Variants in FHL1 observed in about 807,000 individuals in gnomAD.
FHL1 encodes four and a half LIM domains 1, also known as four and a half LIM domains protein 1.
In FHL1, 1 loss-of-function variant was observed where a neutral mutation model predicts 20.3. The observed-to-expected ratio is 0.05, with a 90% CI of 0.02 to 0.23. The LOEUF (loss-of-function observed/expected upper bound fraction) is 0.23. Ranked by LOEUF, FHL1 falls within the 10% of genes least tolerant of loss-of-function variation. The pLI is 1.00. For missense variants in FHL1, 177 were observed against 234.0 expected (o/e 0.76, Z 1.59); for synonymous variants, 82 against 88.9 (o/e 0.92, Z 0.44).
chrX:136,208,671 C>T (rs2073917714), intron 5 of FHL1, 30 bp downstream of exon 5: 1 of 1,179,770 alleles, frequency 8.5e-7, no homozygotes, highest in Non-Finnish European at 1.2e-6. Context: ...CTAAGTCTGC[C>T]AGGCTAGGTT....
intron 2 of FHL1, among the ~76,000 whole-genome samples, chrX:136,186,394 C>T (rs918221569): frequency 3.6e-5 from 4 of 111,094 alleles, no homozygotes; most frequent in Non-Finnish European, 5.7e-5. Context: ...GGTGGGTGCT[C>T]CCTCATCCAC....
upstream of FHL1, chrX:136,168,043 T>C (rs1342377474): frequency 1.8e-5 from 2 of 112,736 alleles, no homozygotes; most frequent in East Asian, 5.5e-4. Context: ...GTAGTAAGTA[T>C]GTATTTAACA....
chrX:136,159,401 G>C (rs775768203), intron 1 of FHL1, among the ~76,000 whole-genome samples: 1 of 111,103 alleles, frequency 9.0e-6, no homozygotes, highest in Non-Finnish European at 1.9e-5. Context: ...AATTAGCCGG[G>C]TGTGGTGGCA....
At chrX:136,192,971 C>T (rs2073464966), upstream of FHL1, among the ~76,000 whole-genome samples, 1 of 110,315 alleles carries the variant, frequency 9.1e-6, no homozygotes, top group Non-Finnish European at 1.9e-5. Context: ...TGGACTCACT[C>T]AGGAGAAATT....
At chrX:136,158,489 C>T (rs1326817462) in intron 1 of FHL1, among the ~76,000 whole-genome samples, 2 of 111,583 alleles carry the variant, frequency 1.8e-5, no homozygotes, top group Non-Finnish European at 3.8e-5. Flanking sequence ...TTTTCCTCCT[C>T]CATGTCTTTC....
At chrX:136,184,273 C>G (rs2073233813) in intron 2 of FHL1, among the ~76,000 whole-genome samples, 2 of 111,831 alleles carry the variant, frequency 1.8e-5, no homozygotes, top group African/African-American at 6.5e-5. Context: ...CTATAACTAA[C>G]CTTGGCTTAA....
Position 136,208,599 on chromosome X carries a change from T to G in FHL1, c.694T>G (p.Phe232Val), listed in dbSNP as rs1309052728. The G allele has an allele frequency of 8.3e-7, 1 of 1,211,301 alleles. No individual in the cohort carries two copies. Among genetic ancestry groups the G allele is most frequent in the Non-Finnish European group, 1.1e-6 (1 of 895,261 alleles). Residue 232 changes from phenylalanine (F) to valine (V), a missense_variant, in exon 5 of 6, where the codon TTT becomes GTT. Coordinates refer to ENST00000370683, the MANE Select transcript of FHL1 (RefSeq NM_001159699.2). ...TTACTGCGTGGATTGCTACAAGAAC[T>G]TTGTGGCCAAGAAGTGTGCTGGATG... ...QYYCVDCYKN[F>V]VAKKCAGCKN...
At chrX:136,200,735 C>T (rs753052368) in intron 1 of FHL1, among the ~76,000 whole-genome samples, 6 of 112,171 alleles carry the variant, frequency 5.3e-5, no homozygotes, top group East Asian at 2.8e-4. Context: ...CCAAGTCACT[C>T]GGCACCAAAG....
chrX:136,209,748 C>G (rs965735796), intron 5 of FHL1, 123 bp from the exon 6 acceptor site: 1 of 828,043 alleles, frequency 1.2e-6, no homozygotes, highest in Non-Finnish European at 1.7e-6. Flanking sequence ...CTGGCTCTTG[C>G]GTGCTTGTCG....
At chrX:136,206,209 T>C in intron 1 of FHL1, 198 bp from the exon 2 acceptor site, 1 of 494,399 alleles carries the variant, frequency 2.0e-6, no homozygotes, top group East Asian at 3.6e-5. Flanking sequence ...CCCCGCGGGG[T>C]GCTTTTGTTC....
intron 1 of FHL1, among the ~76,000 whole-genome samples, chrX:136,156,986 TAC>T (rs74780878): frequency 1.1e-3 from 109 of 101,997 alleles, no homozygotes; most frequent in African/African-American, 1.7e-3. Flanking sequence ...GACTAAGGAA[TAC>T]ACACACACAC....
intron 1 of FHL1, among the ~76,000 whole-genome samples, chrX:136,151,477 TG>T (rs1273385003): frequency 4.4e-5 from 5 of 112,472 alleles, no homozygotes; most frequent in Non-Finnish European, 5.6e-5. Context: ...TTTGGGAGGC[TG>T]AGGCAAGCGG....
chrX:136,191,422 C>A (rs1004808759), intron 2 of FHL1, among the ~76,000 whole-genome samples: 1 of 111,649 alleles, frequency 9.0e-6, no homozygotes, highest in Non-Finnish European at 1.9e-5. Flanking sequence ...TATTGCCTAA[C>A]AAAATATAGA....
At chrX:136,190,005 C>T (rs1234019166) in intron 2 of FHL1, among the ~76,000 whole-genome samples, 1 of 111,752 alleles carries the variant, frequency 8.9e-6, no homozygotes, top group Non-Finnish European at 1.9e-5. Flanking sequence ...TCATTGAATG[C>T]AATAGGACAA....
Position 136,210,855 on chromosome X carries a change from GT to G in FHL1, c.*833del, listed in dbSNP as rs1007007358. 5.2e-6 allele frequency: 2 copies of G among 383,964 alleles called. No individual in the cohort carries two copies. Among genetic ancestry groups the G allele is most frequent in the African/African-American group, 4.9e-5 (2 of 40,465 alleles). The allele number at this position is 383,964 out of a possible 1,213,427, so 31.6% of individuals were successfully genotyped here. A position where few individuals can be genotyped will look rare whatever the true frequency, so the allele number is the denominator to read the frequency against. On this transcript the variant is annotated 3_prime_UTR_variant, in exon 6 of 6. Coordinates refer to ENST00000370683, the MANE Select transcript of FHL1 (RefSeq NM_001159699.2). Reference sequence around the variant, plus strand: ...TAATTGATAGCAAAATAGTTTATGGGTTTGGAAACTTGCATGAAAATATTTT... The same window carrying G: ...TAATTGATAGCAAAATAGTTTATGGGTTGGAAACTTGCATGAAAATATTTT...
chrX:136,202,374 A>G (rs1406990812), intron 1 of FHL1, among the ~76,000 whole-genome samples: 1 of 110,462 alleles, frequency 9.1e-6, no homozygotes, highest in African/African-American at 3.3e-5. Context: ...CAACAACAAC[A>G]AAGAGGTAAA....
At chrX:136,179,043 C>T (rs1385726355) in intron 2 of FHL1, among the ~76,000 whole-genome samples, 1 of 112,127 alleles carries the variant, frequency 8.9e-6, no homozygotes, top group Non-Finnish European at 1.9e-5. Flanking sequence ...AAGCATGAGC[C>T]ACTGTGCCCA....
At chrX:136,186,075 T>G (rs758618178) in intron 2 of FHL1, among the ~76,000 whole-genome samples, 1 of 112,467 alleles carries the variant, frequency 8.9e-6, no homozygotes, top group Admixed American at 9.4e-5. Context: ...GAAGACTTGA[T>G]GCACACTAAG....
chrX:136,207,309 A>T, intron 3 of FHL1, 119 bp downstream of exon 3: 1 of 672,118 alleles, frequency 1.5e-6, no homozygotes, highest in Non-Finnish European at 2.3e-6. Context: ...ATCTTAGCAT[A>T]TATATGTACA....
Sources: allele counts gnomAD v4.1 joint callset (sites outside exome capture counted in the v4.1 genomes callset), GRCh38; gene constraint gnomAD v4.1.1; transcripts MANE v1.5; gene names NCBI Gene and HGNC (gene_info 2026-07-23, HGNC 2026-07-21).